The following FAM184B variants were observed in gnomAD, a reference collection of about 807,000 sequenced individuals.
FAM184B encodes the protein protein FAM184B.
Under a neutral mutation model 135.9 loss-of-function variants are expected in FAM184B, and 111 were observed. The observed-to-expected ratio is 0.82, with a 90% confidence interval of 0.70 to 0.96. The LOEUF (loss-of-function observed/expected upper bound fraction) is 0.96, where lower values mean the gene tolerates loss of function less well. FAM184B is among the 40% of genes least tolerant of loss of function. The probability of loss-of-function intolerance (pLI) is 0.00; values close to 1 mark genes in which losing one functional copy is unlikely to be tolerated. For synonymous variants in FAM184B, 552 were observed against 524.8 expected, an observed-to-expected ratio of 1.05 and a Z score of -0.71; for missense variants, 1,375 against 1,323.9, an observed-to-expected ratio of 1.04 and a Z score of -0.60.
intron 11 of FAM184B, among the ~76,000 whole-genome samples, chr4:17,650,556 C>CAGCT (rs1233142800): frequency 6.6e-6 from 1 of 152,194 alleles, no homozygotes; most frequent in African/African-American, 2.4e-5. Flanking sequence ...GTGGCAGGGA[C>CAGCT]AGCTGCACTG....
chr4:17,681,742 A>G (rs1716445868), intron 7 of FAM184B, among the ~76,000 whole-genome samples: 1 of 152,032 alleles, frequency 6.6e-6, no homozygotes, highest in South Asian at 2.1e-4. Flanking sequence ...GATCCTTCCC[A>G]AATGCCTCAG....
intron 7 of FAM184B, among the ~76,000 whole-genome samples, chr4:17,682,397 T>C (rs1716463987): frequency 6.6e-6 from 1 of 152,196 alleles, no homozygotes; most frequent in Admixed American, 6.5e-5. Flanking sequence ...TTTGGCAGCC[T>C]TCTCCCTGCA....
At chr4:17,684,860 G>T (rs4583751) in intron 7 of FAM184B, among the ~76,000 whole-genome samples, 3,474 of 152,214 alleles carry the variant, frequency 0.023, 142 homozygotes, top group African/African-American at 0.08. Context: ...ATACTATGCA[G>T]CCATAAAAAG....
At chr4:17,672,537 A>G (rs927965551) in intron 7 of FAM184B, among the ~76,000 whole-genome samples, 13 of 152,174 alleles carry the variant, frequency 8.5e-5, no homozygotes, top group African/African-American at 2.9e-4. Context: ...CTTTTATCGC[A>G]TTGAGGTATG....
At position 17,707,630 on chromosome 4, in the gene FAM184B, T is replaced by A. The variant is rs1240628302; in HGVS notation, c.1030+19A>T. ...GCTAACCTTGGGTCTTTTAAGGAAA[T>A]CATTCCAGGGCATCTCACCTGTCTG... On this transcript the variant is annotated intron_variant, in intron 3 of 17. Coordinates refer to ENST00000265018, the MANE Select transcript of FAM184B (RefSeq NM_015688.2). The A allele has an allele frequency of 1.3e-6, 2 of 1,551,050 alleles. No homozygotes were observed. The highest frequency in any genetic ancestry group is 3.9e-5 in the Admixed American group (2 of 50,998).
chr4:17,654,785 G>A (rs10027354), intron 10 of FAM184B, among the ~76,000 whole-genome samples: 10,285 of 152,238 alleles, frequency 0.068, 879 homozygotes, highest in African/African-American at 0.2. Context: ...ACCTGTCACC[G>A]GGGATAGCAA....
At chr4:17,691,149 G>T (rs1416488591) in intron 6 of FAM184B, among the ~76,000 whole-genome samples, 1 of 152,156 alleles carries the variant, frequency 6.6e-6, no homozygotes, top group Non-Finnish European at 1.5e-5. Context: ...TAGCGGTTAA[G>T]GGTGGGGTCA....
intron 1 of FAM184B, among the ~76,000 whole-genome samples, chr4:17,728,797 CT>C (rs1302895614): frequency 6.6e-6 from 1 of 152,162 alleles, no homozygotes; most frequent in East Asian, 1.9e-4. Context: ...AGGAACAGCT[CT>C]GGTCTACAGC....
chr4:17,635,743 C>G (rs1715106669), intron 15 of FAM184B, among the ~76,000 whole-genome samples: 1 of 150,978 alleles, frequency 6.6e-6, no homozygotes, highest in African/African-American at 2.4e-5. Context: ...ATATCAATGT[C>G]ACCTAATTTT....
chr4:17,775,083 G>A lies in FAM184B; in HGVS notation c.141+6076C>T, dbSNP rs550365151. On this transcript the variant is annotated intron_variant, in intron 1 of 17. Transcript: ENST00000265018. Reference sequence around the variant, plus strand: ...ATGATCTCAGCTCACTGCAACCTCCGCCTCCCGGGTTCAAGTGATTCTCCT... The same window carrying A: ...ATGATCTCAGCTCACTGCAACCTCCACCTCCCGGGTTCAAGTGATTCTCCT... Among the ~76,000 whole-genome samples the A allele has an allele frequency of 1.5e-3, 207 of 135,476 alleles. 1 individual carries two copies. The highest frequency in any genetic ancestry group is 4.4e-3 in the Middle Eastern group (1 of 228). The allele number at this position is 135,476 out of a possible 152,430, so 88.9% of individuals were successfully genotyped here.
intron 7 of FAM184B, among the ~76,000 whole-genome samples, chr4:17,678,899 A>G (rs1316173178): frequency 6.6e-6 from 1 of 152,206 alleles, no homozygotes; most frequent in East Asian, 1.9e-4. Flanking sequence ...ATCTTTGACA[A>G]AGCAAAAAAC....
At chr4:17,637,419 A>T (rs897821794) in intron 14 of FAM184B, among the ~76,000 whole-genome samples, 2 of 152,138 alleles carry the variant, frequency 1.3e-5, no homozygotes, top group Admixed American at 6.5e-5. Context: ...ACTGGAGTTG[A>T]TAAGAGCCCA....
intron 14 of FAM184B, among the ~76,000 whole-genome samples, 190 bp from the exon 15 acceptor site, chr4:17,636,835 T>G (rs1715155443): frequency 1.3e-5 from 2 of 151,936 alleles, no homozygotes; most frequent in Non-Finnish European, 2.9e-5. Context: ...CTCTGTCAGG[T>G]CCCCTGAGGC....
At chr4:17,743,476 G>C (rs1718091151) in intron 1 of FAM184B, among the ~76,000 whole-genome samples, 1 of 152,144 alleles carries the variant, frequency 6.6e-6, no homozygotes, top group South Asian at 2.1e-4. Context: ...CCAGTGAGGA[G>C]ACATTTATTT....
At chr4:17,710,784 A>C (rs1717250547) in intron 1 of FAM184B, among the ~76,000 whole-genome samples, 1 of 152,262 alleles carries the variant, frequency 6.6e-6, no homozygotes, top group Admixed American at 6.5e-5. Flanking sequence ...CCTGAGCCAC[A>C]GGTCGGTGTT....
intron 1 of FAM184B, among the ~76,000 whole-genome samples, chr4:17,723,316 C>T (rs755611581): frequency 2.0e-5 from 3 of 152,192 alleles, no homozygotes; most frequent in Non-Finnish European, 2.9e-5. Flanking sequence ...CTCAAATAAA[C>T]AGTATGCTTC....
chr4:17,775,633 G>A (rs765656979), intron 1 of FAM184B, among the ~76,000 whole-genome samples: 11 of 152,174 alleles, frequency 7.2e-5, no homozygotes, highest in Non-Finnish European at 1.6e-4. Flanking sequence ...TTTCTGGTCG[G>A]TATAGAATCC....
At chr4:17,668,481 G>C (rs571374373) in intron 7 of FAM184B, among the ~76,000 whole-genome samples, 24 of 152,160 alleles carry the variant, frequency 1.6e-4, no homozygotes, top group African/African-American at 5.1e-4. Flanking sequence ...TTCTCCTCTT[G>C]AAGTTCCCAT....
chr4:17,649,783 TC>T (rs1421875467), intron 11 of FAM184B, among the ~76,000 whole-genome samples: 1 of 152,042 alleles, frequency 6.6e-6, no homozygotes, highest in African/African-American at 2.4e-5. Flanking sequence ...TCTCATACCT[TC>T]CCACCATTCA....
Sources: gnomAD v4.1 joint callset for allele counts (sites outside exome capture counted in the v4.1 genomes callset) on GRCh38, gnomAD v4.1.1 for gene constraint, MANE v1.5 for transcripts, NCBI Gene and HGNC (gene_info 2026-07-23, HGNC 2026-07-21) for gene names.